SGCD: variants seen among roughly 807,000 people sequenced by gnomAD.
SGCD encodes the protein delta-sarcoglycan.
SGCD carries 18 observed loss-of-function variants against 36.6 expected under a neutral mutation model. That is an observed-to-expected ratio of 0.49 (90% CI 0.34 to 0.73). The LOEUF (loss-of-function observed/expected upper bound fraction) is 0.73, where lower values mean the gene tolerates loss of function less well. Among genes scored for constraint, SGCD ranks in the 30% least tolerant of loss-of-function variants. The pLI is 0.01. For missense variants in SGCD, 387 were observed against 346.7 expected, an observed-to-expected ratio of 1.12 and a Z score of -0.92; for synonymous variants, 133 against 130.6, an observed-to-expected ratio of 1.02 and a Z score of -0.12.
chr5:155,739,322 A>G, the SGCD span, among the ~76,000 whole-genome samples: 4 of 152,224 alleles, frequency 2.6e-5, no homozygotes, highest in Non-Finnish European at 4.4e-5. Flanking sequence ...AAGCAAGTAC[A>G]AAGGCTGTGA....
At position 156,492,521 on chromosome 5, in the gene SGCD, T is replaced by C. The variant is rs1755990839; in HGVS notation, c.193-16080T>C. On this transcript the variant is annotated intron_variant, in intron 3 of 8. Transcript: ENST00000337851. The stretch of plus-strand genomic sequence containing the variant: ...GTCAGCTTTATTTACCTATTTTAAA[T>C]GATAAAATTAAATAGTATAGATATT... Among the ~76,000 whole-genome samples the C allele has an allele frequency of 2.0e-5, 3 of 152,276 alleles. No homozygotes were observed. In the Middle Eastern group the frequency reaches 0.01, roughly 518 times the overall value.
At chr5:156,582,820 C>CGT (rs1760330864) in intron 4 of SGCD, among the ~76,000 whole-genome samples, 2 of 151,920 alleles carry the variant, frequency 1.3e-5, no homozygotes, top group Admixed American at 6.5e-5. Flanking sequence ...CATGTGCACG[C>CGT]GCACACACAC....
At chr5:156,240,558 T>C (rs574880697) in intron 3 of SGCD, among the ~76,000 whole-genome samples, 1 of 152,206 alleles carries the variant, frequency 6.6e-6, no homozygotes. Context: ...GTCTCCAGAC[T>C]GGCACCAAGC....
chr5:156,083,561 C>T (rs922056745), intron 1 of SGCD, among the ~76,000 whole-genome samples: 2 of 149,994 alleles, frequency 1.3e-5, no homozygotes, highest in Admixed American at 1.3e-4. Context: ...TCCCAAAGTG[C>T]TGGAATTACA....
At chr5:155,843,404 TCACA>T in the SGCD span, among the ~76,000 whole-genome samples, 1 of 150,152 alleles carries the variant, frequency 6.7e-6, no homozygotes, top group Non-Finnish European at 1.5e-5. Flanking sequence ...TCACTTATGC[TCACA>T]CACACACACA....
intron 3 of SGCD, among the ~76,000 whole-genome samples, chr5:156,188,708 C>T (rs568382396): frequency 4.8e-5 from 7 of 145,270 alleles, no homozygotes; most frequent in African/African-American, 1.8e-4. Flanking sequence ...TCTCTACATG[C>T]ACAAGATGAA....
chr5:156,312,795 G>C (rs1380729657), intron 3 of SGCD, among the ~76,000 whole-genome samples: 1 of 152,124 alleles, frequency 6.6e-6, no homozygotes, highest in Non-Finnish European at 1.5e-5. Flanking sequence ...CAGGTGAAGT[G>C]TTAGCTCTTA....
chr5:155,754,493 A>G, the SGCD span, among the ~76,000 whole-genome samples: 1 of 152,204 alleles, frequency 6.6e-6, no homozygotes, highest in Non-Finnish European at 1.5e-5. Flanking sequence ...TCCTGCTTCC[A>G]ATCTCCAGCA....
At chr5:156,356,992 G>T (rs1006137687) in intron 3 of SGCD, among the ~76,000 whole-genome samples, 1 of 152,162 alleles carries the variant, frequency 6.6e-6, no homozygotes, top group Non-Finnish European at 1.5e-5. Context: ...TGGAATTCTG[G>T]CTTCTAGAAC....
chr5:156,638,662 T>C (rs1271893044), intron 6 of SGCD, among the ~76,000 whole-genome samples: 4 of 152,208 alleles, frequency 2.6e-5, no homozygotes, highest in Non-Finnish European at 4.4e-5. Flanking sequence ...GATGTACTCA[T>C]AAGAAACTGA....
intron 3 of SGCD, among the ~76,000 whole-genome samples, chr5:156,417,485 G>T (rs373526905): frequency 2.2e-4 from 33 of 152,178 alleles, no homozygotes; most frequent in African/African-American, 7.2e-4. Flanking sequence ...GTCTGCTTGG[G>T]CTGCCATAAC....
Position 156,642,461 on chromosome 5 carries a change from C to CTTTT in SGCD, c.503-4982_503-4979dup, listed in dbSNP as rs58501471. ...CTAAGAATGGCCTAGCAGCATCAGT[C>CTTTT]TTTTTTTTTTTTTTTTTTTTTTTTC... On this transcript the variant is annotated intron_variant, in intron 6 of 8. Coordinates refer to ENST00000337851, the MANE Select transcript of SGCD (RefSeq NM_000337.6). Among the ~76,000 whole-genome samples the CTTTT allele has an allele frequency of 1.7e-3, 135 of 80,028 alleles. 1 individual carries two copies. The highest frequency in any genetic ancestry group is 7.0e-3 in the African/African-American group (121 of 17,310). The allele number at this position is 80,028 out of a possible 152,430, so 52.5% of individuals were successfully genotyped here.
intron 7 of SGCD, among the ~76,000 whole-genome samples, chr5:156,686,893 GT>G (rs1438222737): frequency 1.3e-5 from 2 of 152,160 alleles, no homozygotes; most frequent in Non-Finnish European, 2.9e-5. Context: ...GTCAGCCACT[GT>G]CAGAATTTAA....
At position 155,969,587 on chromosome 5, in the gene SGCD, C is replaced by T. The variant is rs142194702; in HGVS notation, c.-282+99163C>T. Among the ~76,000 whole-genome samples, 481 of 152,204 alleles carry T rather than the reference C, an allele frequency of 3.2e-3. 4 individuals are homozygous for T. Among genetic ancestry groups the T allele is most frequent in the African/African-American group, 0.01 (430 of 41,536 alleles). ...GAAGACATGTGGTGTGAGAATAACA[C>T]GCAGAATATTTGGAGTCAGAGCAGC... On this transcript the variant is annotated intron_variant, in intron 1 of 9. Coordinates refer to the SGCD transcript ENST00000517913.
At chr5:156,488,624 A>G (rs765758941) in intron 3 of SGCD, among the ~76,000 whole-genome samples, 23 of 152,196 alleles carry the variant, frequency 1.5e-4, no homozygotes, top group Non-Finnish European at 2.8e-4. Context: ...ATTCATTATC[A>G]CAAGACCAAT....
At chr5:156,165,552 A>G (rs1207923642) in intron 3 of SGCD, among the ~76,000 whole-genome samples, 2 of 152,140 alleles carry the variant, frequency 1.3e-5, no homozygotes, top group African/African-American at 4.8e-5. Flanking sequence ...AGATGTTTCA[A>G]TTTGTACTAT....
chr5:155,888,587 A>G (rs1756056998), intron 1 of SGCD, among the ~76,000 whole-genome samples: 1 of 152,186 alleles, frequency 6.6e-6, no homozygotes, highest in Non-Finnish European at 1.5e-5. Flanking sequence ...GAGAAGTATG[A>G]TTGGTAAAAA....
intron 3 of SGCD, among the ~76,000 whole-genome samples, chr5:156,217,705 G>A (rs1764609446): frequency 6.6e-6 from 1 of 151,820 alleles, no homozygotes; most frequent in Non-Finnish European, 1.5e-5. Context: ...TTTTAATCAG[G>A]CAGGGCATAA....
chr5:156,227,027 A>C (rs1054834425), intron 3 of SGCD, among the ~76,000 whole-genome samples: 12 of 151,292 alleles, frequency 7.9e-5, no homozygotes, highest in African/African-American at 2.9e-4. Context: ...GATTATGAAG[A>C]CTTTCTCCCA....
Sources: gnomAD v4.1 joint callset for allele counts (sites outside exome capture counted in the v4.1 genomes callset) on GRCh38, gnomAD v4.1.1 for gene constraint, MANE v1.5 for transcripts, NCBI Gene and HGNC (gene_info 2026-07-23, HGNC 2026-07-21) for gene names.